DNAJC5G: variants seen among roughly 807,000 people sequenced by gnomAD.
DNAJC5G encodes the protein DnaJ heat shock protein family (Hsp40) member C5 gamma.
Under a neutral mutation model 19.1 loss-of-function variants are expected in DNAJC5G, and 13 were observed. That is an observed-to-expected ratio of 0.68 (90% CI 0.44 to 1.08). The LOEUF (loss-of-function observed/expected upper bound fraction) is 1.08, where lower values mean the gene tolerates loss of function less well. Among genes scored for constraint, DNAJC5G ranks in the 50% least tolerant of loss-of-function variants. The pLI is 0.00. For synonymous variants in DNAJC5G, 81 were observed against 84.4 expected, an observed-to-expected ratio of 0.96 and a Z score of 0.22; for missense variants, 245 against 230.4, an observed-to-expected ratio of 1.06 and a Z score of -0.41.
intron 5 of DNAJC5G, among the ~76,000 whole-genome samples, chr2:27,279,292 TTTG>T (rs1223119626): frequency 4.0e-5 from 6 of 151,678 alleles, no homozygotes; most frequent in Non-Finnish European, 7.4e-5. Flanking sequence ...TTGTTGTTGT[TTTG>T]TTGTTGTTGG....
chr2:27,276,989 G>A (rs985770908), intron 3 of DNAJC5G, 148 bp downstream of exon 3: 21 of 683,362 alleles, frequency 3.1e-5, no homozygotes. Flanking sequence ...AGAGACTATT[G>A]AGAGTGCAGT....
Position 27,275,572 on chromosome 2 carries a change from G to A in DNAJC5G, c.-286+19G>A, listed in dbSNP as rs1316681372. ...CTCCCAGGTAAAGGGCCAGACCCAG[G>A]TGAGGAGTCGGCACAGGGCCAGAGG... is the stretch of plus-strand genomic sequence containing the variant. On this transcript the variant is annotated intron_variant, in intron 1 of 6. Transcript: ENST00000296097. 3.3e-6 allele frequency: 1 copy of A among 304,694 alleles called. No homozygotes were observed. Among genetic ancestry groups the A allele is most frequent in the Non-Finnish European group, 6.4e-6 (1 of 155,690 alleles). The allele number at this position is 304,694 out of a possible 1,614,324, so 18.9% of individuals were successfully genotyped here. A position where few individuals can be genotyped will look rare whatever the true frequency, so the allele number is the denominator to read the frequency against.
intron 5 of DNAJC5G, among the ~76,000 whole-genome samples, chr2:27,279,804 T>C (rs1678285200): frequency 6.6e-6 from 1 of 150,652 alleles, no homozygotes. Flanking sequence ...ACACCTGTAG[T>C]CTCAGCTACA....
At chr2:27,276,686 T>C (rs747551863) in intron 2 of DNAJC5G, 40 bp from the exon 3 acceptor site, 2 of 1,594,010 alleles carry the variant, frequency 1.3e-6, no homozygotes, top group Admixed American at 3.4e-5. Context: ...TACCCTTACT[T>C]GTAGAAGTTC....
At chr2:27,275,670 C>T (rs1216055477) in intron 1 of DNAJC5G, 117 bp downstream of exon 1, 1 of 176,278 alleles carries the variant, frequency 5.7e-6, no homozygotes, top group Non-Finnish European at 1.2e-5. Context: ...AGGCGTCTAC[C>T]CTGCTCTCTG....
intron 5 of DNAJC5G, among the ~76,000 whole-genome samples, chr2:27,279,048 G>A (rs573131404): frequency 4.7e-5 from 7 of 150,414 alleles, no homozygotes; most frequent in Non-Finnish European, 8.9e-5. Flanking sequence ...TTGAGGGTGA[G>A]AAAGACCTGT....
Position 27,277,912 on chromosome 2 carries a change from G to A in DNAJC5G, c.272G>A (p.Arg91Gln), listed in dbSNP as rs550880968. The change falls in exon 4 of 7, where the codon CGG becomes CAG. Residue 91 changes from arginine (R) to glutamine (Q), a missense_variant. By Grantham distance (43) the Arg-to-Gln change is conservative. Transcript: ENST00000296097. The part of the protein sequence containing the change: ...AHAILSDSKK[R>Q]KIYDQHGSLG... ...GCCATACTGAGCGACTCTAAGAAGCGGAAAATTTACGACCAGCATGGCTCA... is the reference window on the plus strand; with the variant it reads ...GCCATACTGAGCGACTCTAAGAAGCAGAAAATTTACGACCAGCATGGCTCA... 57 of 1,614,150 alleles carry A rather than the reference G, an allele frequency of 3.5e-5. No homozygotes were observed. The highest frequency in any genetic ancestry group is 2.9e-4 in the African/African-American group (22 of 75,030).
chr2:27,276,936 T>C, intron 3 of DNAJC5G, 95 bp downstream of exon 3: 2 of 1,105,228 alleles, frequency 1.8e-6, no homozygotes, highest in Non-Finnish European at 1.3e-6. Flanking sequence ...TTTTTTTTTT[T>C]TTTTTTTTGA....
rs1678186208 is a variant in DNAJC5G, at chr2:27,277,937, A to C, written c.297A>C (p.Ser99=). 1.2e-6 allele frequency: 2 copies of C among 1,614,228 alleles called. No individual in the cohort carries two copies. Among genetic ancestry groups the C allele is most frequent in the South Asian group, 2.2e-5 (2 of 91,084 alleles). ...GGAAAATTTACGACCAGCATGGCTC[A>C]TTGGGAATATATCTGTATGATCACT... The part of the protein sequence containing the change: ...KKRKIYDQHG[S]LGIYLYDHFG... The change falls in exon 4 of 7, where the codon TCA becomes TCC. Residue 99 remains serine, a synonymous_variant. Transcript: ENST00000296097.
At chr2:27,275,973 A>G (rs1446292130) in intron 1 of DNAJC5G, 133 bp from the exon 2 acceptor site, 1 of 147,910 alleles carries the variant, frequency 6.8e-6, no homozygotes, top group Non-Finnish European at 1.5e-5. Flanking sequence ...ATAGCTGTGG[A>G]TCGGCGAGGC....
At chr2:27,279,789 A>G (rs1274387758) in intron 5 of DNAJC5G, among the ~76,000 whole-genome samples, 2 of 150,952 alleles carry the variant, frequency 1.3e-5, no homozygotes, top group Non-Finnish European at 1.5e-5. Flanking sequence ...CGGTCATGGC[A>G]GTGCACACCT....
chr2:27,276,547 G>T, intron 2 of DNAJC5G, 160 bp downstream of exon 2: 1 of 553,122 alleles, frequency 1.8e-6, no homozygotes. Context: ...GAATCTTTCT[G>T]ATCACCTGAA....
intron 4 of DNAJC5G, 32 bp downstream of exon 4, chr2:27,278,047 G>A: frequency 6.2e-7 from 1 of 1,609,708 alleles, no homozygotes; most frequent in Non-Finnish European, 8.5e-7. Context: ...TTAAGAATAA[G>A]GAAAGAAGGG....
chr2:27,277,868 A>C lies in DNAJC5G; in HGVS notation c.228A>C (p.Lys76Asn). ...ATGCTCAAGCAGCAGAAATATTCAA[A>C]GAGATCAACGCAGCTCATGCCATAC... The part of the protein sequence containing the change: ...PGNAQAAEIF[K>N]EINAAHAILS... The change falls in exon 4 of 7, where the codon AAA (lysine) becomes AAC (asparagine). Residue 76 changes from lysine (K) to asparagine (N), a missense_variant. Transcript: ENST00000296097. The C allele has an allele frequency of 6.2e-7, 1 of 1,614,234 alleles. No homozygotes were observed. Among genetic ancestry groups the C allele is most frequent in the Non-Finnish European group, 8.5e-7 (1 of 1,180,052 alleles).
chr2:27,278,343 C>A lies in DNAJC5G; in HGVS notation c.520+11C>A, dbSNP rs377228655. The stretch of plus-strand genomic sequence containing the variant: ...AGCCTCCAAGGTCAGGTGAGAACTG[C>A]AAGCAGGGACTGTGAGGTAAGAAAT... On this transcript the variant is annotated intron_variant, in intron 5 of 6. Transcript: ENST00000296097. 3 of 1,613,800 alleles carry A rather than the reference C, an allele frequency of 1.9e-6. No individual in the cohort carries two copies.
chr2:27,277,822 A>G lies in DNAJC5G; in HGVS notation c.182A>G (p.His61Arg), dbSNP rs370889514. Residue 61 changes from histidine to arginine, a missense_variant, in exon 4 of 7, where the codon CAT (histidine) becomes CGT (arginine). Transcript: ENST00000296097. ...HLGRKLALRY[H>R]PDKNPGNAQA... Reference sequence around the variant, plus strand: ...GGTAGGAAACTGGCCTTGCGGTATCATCCCGACAAGAATCCAGGGAATGCT... The same window carrying G: ...GGTAGGAAACTGGCCTTGCGGTATCGTCCCGACAAGAATCCAGGGAATGCT... 1.2e-5 allele frequency: 20 copies of G among 1,614,020 alleles called. No individual in the cohort carries two copies. The highest frequency in any genetic ancestry group is 1.6e-4 in the Middle Eastern group (1 of 6,084).
intron 2 of DNAJC5G, 79 bp from the exon 3 acceptor site, chr2:27,276,646 GT>G (rs780524321): frequency 7.8e-7 from 1 of 1,288,646 alleles, no homozygotes. Context: ...AAGGTAGTGA[GT>G]TTCCTGTCAC....
At position 27,276,745 on chromosome 2, in the gene DNAJC5G, A is replaced by T. The variant is rs761762407; in HGVS notation, c.17A>T (p.Glu6Val). Residue 6 changes from glutamate to valine, a missense_variant, in exon 3 of 7, where the codon GAA (glutamate) becomes GTA (valine). Glu to Val is a moderately radical substitution (Grantham distance 121). Coordinates refer to ENST00000296097, the MANE Select transcript of DNAJC5G (RefSeq NM_173650.3). ...GCTCAGATCATGTCTACTGTGAAGGAAGCAGCACACCGGCTGTCCAAAAGT... is the reference window on the plus strand; with the variant it reads ...GCTCAGATCATGTCTACTGTGAAGGTAGCAGCACACCGGCTGTCCAAAAGT... MSTVKEAAHRLSKSEM... is the reference protein window; with the variant it reads MSTVKVAAHRLSKSEM... 6.2e-7 allele frequency: 1 copy of T among 1,613,966 alleles called. No individual in the cohort carries two copies. The highest frequency in any genetic ancestry group is 2.2e-5 in the East Asian group (1 of 44,886).
At position 27,275,457 on chromosome 2, in the gene DNAJC5G, G is replaced by A. The variant is rs532694531; in HGVS notation, c.-382G>A. On this transcript the variant is annotated 5_prime_UTR_variant, in exon 1 of 7. Coordinates refer to ENST00000296097, the MANE Select transcript of DNAJC5G (RefSeq NM_173650.3). Reference sequence around the variant, plus strand: ...TGCCCAGACCCTCAGCGTCGACGCTGCGCACAAGCGCAGTCAACTGCTGGA... The same window carrying A: ...TGCCCAGACCCTCAGCGTCGACGCTACGCACAAGCGCAGTCAACTGCTGGA... 1 of 347,800 alleles carries A rather than the reference G, an allele frequency of 2.9e-6. No individual in the cohort carries two copies. The allele number at this position is 347,800 out of a possible 1,614,324, so 21.5% of individuals were successfully genotyped here. A position where few individuals can be genotyped will look rare whatever the true frequency, so the allele number is the denominator to read the frequency against.
Sources: allele counts gnomAD v4.1 joint callset (sites outside exome capture counted in the v4.1 genomes callset), GRCh38; gene constraint gnomAD v4.1.1; transcripts MANE v1.5; gene names NCBI Gene and HGNC (gene_info 2026-07-23, HGNC 2026-07-21).